Variants in GAP43 observed in about 807,000 individuals in gnomAD.
The protein encoded by GAP43 is growth associated protein 43.
In GAP43, 6 loss-of-function variants were observed where a neutral mutation model predicts 18.6. The ratio of observed to expected loss-of-function variants is 0.32; its 90% CI spans 0.18 to 0.64. GAP43 has a LOEUF of 0.64. Ranked by LOEUF, GAP43 falls within the 30% of genes least tolerant of loss-of-function variation. The pLI is 0.78. For missense variants in GAP43, 292 were observed against 295.5 expected, an observed-to-expected ratio of 0.99 and a Z score of 0.09; for synonymous variants, 115 against 111.4, an observed-to-expected ratio of 1.03 and a Z score of -0.20.
chr3:115,678,173 C>T (rs1708917631), intron 2 of GAP43, among the ~76,000 whole-genome samples: 1 of 152,114 alleles, frequency 6.6e-6, no homozygotes, highest in African/African-American at 2.4e-5. Flanking sequence ...AACTACTTTT[C>T]TTTAGATTTA....
chr3:115,715,156 A>G (rs1709488592), intron 2 of GAP43, among the ~76,000 whole-genome samples: 2 of 152,178 alleles, frequency 1.3e-5, no homozygotes. Context: ...GAATTTCAAC[A>G]TATGAATTTT....
At chr3:115,713,955 A>G (rs1709470595) in intron 2 of GAP43, among the ~76,000 whole-genome samples, 1 of 152,220 alleles carries the variant, frequency 6.6e-6, no homozygotes, top group Non-Finnish European at 1.5e-5. Flanking sequence ...ACCCAGGACG[A>G]ATTACGCTCC....
chr3:115,719,324 G>T (rs1709548837), intron 2 of GAP43, among the ~76,000 whole-genome samples: 1 of 152,064 alleles, frequency 6.6e-6, no homozygotes, highest in South Asian at 2.1e-4. Context: ...AGAAAGGCTT[G>T]TTTGTAAAGT....
At chr3:115,650,033 G>A (rs1357794945) in intron 1 of GAP43, among the ~76,000 whole-genome samples, 1 of 152,164 alleles carries the variant, frequency 6.6e-6, no homozygotes. Flanking sequence ...GTCACCTGGA[G>A]AAGGTTTTTA....
chr3:115,718,627 A>G (rs1053741250), intron 2 of GAP43, among the ~76,000 whole-genome samples: 2 of 152,222 alleles, frequency 1.3e-5, no homozygotes, highest in African/African-American at 4.8e-5. Flanking sequence ...TAGAATAGCT[A>G]TATTTTATGA....
In GAP43 at chr3:115,676,774, G is replaced by C. The variant is rs553863254; in HGVS notation, c.628+164G>C. 1.8e-4 allele frequency among the ~76,000 whole-genome samples: 27 copies of C among 152,160 alleles called. 2 individuals are homozygous for C. The highest frequency in any genetic ancestry group is 1.1e-3 in the Admixed American group (17 of 15,284). ...ATTTCCCAAAGTGGCAGGACTAAGA[G>C]CTAAGGTTACATTCCCAAATATCTC... On this transcript the variant is annotated intron_variant, in intron 2 of 2. Coordinates refer to ENST00000305124, the MANE Select transcript of GAP43 (RefSeq NM_002045.4).
At chr3:115,627,600 T>C (rs1708207040) in intron 1 of GAP43, among the ~76,000 whole-genome samples, 1 of 152,150 alleles carries the variant, frequency 6.6e-6, no homozygotes, top group Admixed American at 6.6e-5. Flanking sequence ...AGAGCATATA[T>C]ATTAACCAAT....
intron 2 of GAP43, among the ~76,000 whole-genome samples, chr3:115,697,627 G>A (rs975810382): frequency 6.6e-6 from 1 of 152,138 alleles, no homozygotes; most frequent in African/African-American, 2.4e-5. Context: ...TCAATGCAAA[G>A]GATATAGCTC....
intron 1 of GAP43, among the ~76,000 whole-genome samples, chr3:115,649,004 T>C (rs533456370): frequency 1.3e-5 from 2 of 152,220 alleles, no homozygotes; most frequent in Admixed American, 6.5e-5. Context: ...AGAAGAAGGT[T>C]GAAGTAGAAG....
intron 1 of GAP43, among the ~76,000 whole-genome samples, chr3:115,659,420 A>T (rs1708628804): frequency 6.6e-6 from 1 of 152,088 alleles, no homozygotes; most frequent in Admixed American, 6.6e-5. Flanking sequence ...AAGAAGTGAG[A>T]TGATTGTAGA....
chr3:115,639,495 T>A (rs1402522194), intron 1 of GAP43, among the ~76,000 whole-genome samples: 1 of 152,112 alleles, frequency 6.6e-6, no homozygotes, highest in Non-Finnish European at 1.5e-5. Flanking sequence ...CCCACAGGAA[T>A]CCTGGTGAGG....
At chr3:115,674,359 C>A (rs1215226490) in intron 1 of GAP43, among the ~76,000 whole-genome samples, 1 of 152,154 alleles carries the variant, frequency 6.6e-6, no homozygotes, top group Non-Finnish European at 1.5e-5. Context: ...CCATGGTAAA[C>A]AATGGAACTG....
At chr3:115,683,133 GTGCGCGCGCGCGCGCACACACACA>G (rs1708979492) in intron 2 of GAP43, among the ~76,000 whole-genome samples, 1 of 87,988 alleles carries the variant, frequency 1.1e-5, no homozygotes, top group African/African-American at 3.9e-5. Flanking sequence ...GTGCGCGCGC[GTGCGCGCGCGCGCGCACACACACA>G]CACACACACA....
chr3:115,716,987 C>T (rs2107380862), intron 2 of GAP43, among the ~76,000 whole-genome samples: 1 of 151,866 alleles, frequency 6.6e-6, no homozygotes, highest in Middle Eastern at 3.4e-3. Flanking sequence ...ATGAGTTTGG[C>T]CACCTGATAT....
chr3:115,695,842 T>TAA (rs1576997248), intron 2 of GAP43, among the ~76,000 whole-genome samples: 1 of 152,178 alleles, frequency 6.6e-6, no homozygotes, highest in Non-Finnish European at 1.5e-5. Flanking sequence ...TTTTACCTAT[T>TAA]AACAGCATCG....
intron 1 of GAP43, among the ~76,000 whole-genome samples, chr3:115,624,194 TG>T (rs1297199148): frequency 6.6e-6 from 1 of 152,198 alleles, no homozygotes; most frequent in Non-Finnish European, 1.5e-5. Flanking sequence ...CCTTATTTCG[TG>T]CATGCATGAG....
In GAP43 at chr3:115,692,691, G is replaced by C. The variant is rs185900902; in HGVS notation, c.628+16081G>C. On this transcript the variant is annotated intron_variant, in intron 2 of 2. Transcript: ENST00000305124. ...GGTATGTTGGACCTTGAAGTGGTCG[G>C]AAGTTTTCAGTCTTGGTCCAACAGC... 3.6e-3 allele frequency among the ~76,000 whole-genome samples: 553 copies of C among 152,248 alleles called. 1 individual carries two copies. Among genetic ancestry groups the C allele is most frequent in the African/African-American group, 0.013 (534 of 41,550 alleles).
At chr3:115,702,318 C>G (rs1232031793) in intron 2 of GAP43, among the ~76,000 whole-genome samples, 1 of 151,866 alleles carries the variant, frequency 6.6e-6, no homozygotes, top group Non-Finnish European at 1.5e-5. Flanking sequence ...GGATAGAGGT[C>G]AGGATTGAAG....
At chr3:115,712,109 C>T (rs953451025) in intron 2 of GAP43, among the ~76,000 whole-genome samples, 1 of 151,974 alleles carries the variant, frequency 6.6e-6, no homozygotes, top group Non-Finnish European at 1.5e-5. Flanking sequence ...TCAACTTGTA[C>T]CTTCTTTGGC....
Sources: allele counts gnomAD v4.1 joint callset (sites outside exome capture counted in the v4.1 genomes callset), GRCh38; gene constraint gnomAD v4.1.1; transcripts MANE v1.5; gene names NCBI Gene and HGNC (gene_info 2026-07-23, HGNC 2026-07-21).